The following WWOX variants were observed in gnomAD, a reference collection of about 807,000 sequenced individuals.
WWOX encodes the protein WW domain-containing oxidoreductase.
A neutral mutation model predicts 46.2 loss-of-function variants in WWOX; 69 were observed. The ratio of observed to expected loss-of-function variants is 1.49; its 90% confidence interval spans 1.23 to 1.82. The LOEUF (loss-of-function observed/expected upper bound fraction) is 1.82, where lower values mean the gene tolerates loss of function less well. WWOX is among the 40% of genes most tolerant of loss of function. The pLI is 0.00. For missense variants in WWOX, 919 were observed against 542.6 expected (o/e 1.69, Z -6.89); for synonymous variants, 359 against 202.6 (o/e 1.77, Z -6.56).
intron 8 of WWOX, among the ~76,000 whole-genome samples, chr16:79,078,614 C>G (rs999884269): frequency 2.0e-5 from 3 of 152,218 alleles, no homozygotes; most frequent in Admixed American, 1.3e-4. Flanking sequence ...GCATTTAACA[C>G]AGTTCCTGGC....
At chr16:78,417,435 C>T (rs910898958) in intron 6 of WWOX, among the ~76,000 whole-genome samples, 1 of 151,888 alleles carries the variant, frequency 6.6e-6, no homozygotes, top group Non-Finnish European at 1.5e-5. Flanking sequence ...CTGTAAATGG[C>T]AATCATAATA....
chr16:79,192,170 C>T (rs1229881169), intron 8 of WWOX, among the ~76,000 whole-genome samples: 1 of 152,222 alleles, frequency 6.6e-6, no homozygotes, highest in Non-Finnish European at 1.5e-5. Flanking sequence ...AAAATTGCTC[C>T]TGCCAGCTCT....
chr16:78,611,925 C>T (rs145302800), intron 8 of WWOX, among the ~76,000 whole-genome samples: 2 of 152,170 alleles, frequency 1.3e-5, no homozygotes, highest in Non-Finnish European at 2.9e-5. Context: ...AAGCCAGAAG[C>T]CAATGAGCTA....
chr16:78,207,624 G>C (rs2036435293), intron 5 of WWOX, among the ~76,000 whole-genome samples: 1 of 151,296 alleles, frequency 6.6e-6, no homozygotes, highest in Non-Finnish European at 1.5e-5. Context: ...AGTCTCTTTA[G>C]TTTGAAGATA....
chr16:78,467,538 T>G (rs991498326), intron 8 of WWOX, among the ~76,000 whole-genome samples: 4 of 152,244 alleles, frequency 2.6e-5, no homozygotes, highest in African/African-American at 9.6e-5. Context: ...TAGTTTAAAC[T>G]GACTGTAATG....
chr16:78,617,592 G>A (rs2046058653), intron 8 of WWOX, among the ~76,000 whole-genome samples: 1 of 152,152 alleles, frequency 6.6e-6, no homozygotes, highest in Admixed American at 6.5e-5. Flanking sequence ...TCTGAGGAAA[G>A]CAGGTGATGA....
At chr16:79,067,646 G>A (rs1376835525) in intron 8 of WWOX, among the ~76,000 whole-genome samples, 5 of 140,152 alleles carry the variant, frequency 3.6e-5, no homozygotes, top group Non-Finnish European at 7.8e-5. Flanking sequence ...GCGGGGGGGG[G>A]CACTTATCAC....
rs140493302 is a variant in WWOX at position 79,147,009 on chromosome 16, G to C, written c.1057-64599G>C. On this transcript the variant is annotated intron_variant, in intron 8 of 8. Transcript: ENST00000566780. ...CTTAGCTCAGTTTCCCCCAGTGATAGCTTTTGCAAAACAATTGTGCAATAT... is the reference window on the plus strand; with the variant it reads ...CTTAGCTCAGTTTCCCCCAGTGATACCTTTTGCAAAACAATTGTGCAATAT... 1.9e-3 allele frequency among the ~76,000 whole-genome samples: 296 copies of C among 152,258 alleles called. 1 individual carries two copies. Among genetic ancestry groups the C allele is most frequent in the Non-Finnish European group, 1.5e-3 (100 of 68,032 alleles).
intron 8 of WWOX, among the ~76,000 whole-genome samples, chr16:79,026,530 CTCTA>C (rs2047645331): frequency 6.6e-6 from 1 of 151,102 alleles, no homozygotes; most frequent in South Asian, 2.1e-4. Flanking sequence ...AGACAATGAT[CTCTA>C]TCTAGAAAGA....
At chr16:78,637,262 A>G (rs758344958) in intron 8 of WWOX, among the ~76,000 whole-genome samples, 10 of 151,932 alleles carry the variant, frequency 6.6e-5, no homozygotes, top group Non-Finnish European at 1.5e-4. Context: ...CCAACCAACG[A>G]CCCTTCCCAT....
In WWOX at chr16:78,349,307, G is replaced by A. The variant is rs1424292488; in HGVS notation, c.517-37553G>A. Among the ~76,000 whole-genome samples the A allele has an allele frequency of 1.7e-5, 2 of 120,622 alleles. 1 individual carries two copies. Among genetic ancestry groups the A allele is most frequent in the Non-Finnish European group, 4.0e-5 (2 of 50,518 alleles). The allele number at this position is 120,622 out of a possible 152,430, so 79.1% of individuals were successfully genotyped here. A position where few individuals can be genotyped will look rare whatever the true frequency, so the allele number is the denominator to read the frequency against. ...TTACATAATCACCTCTTTATAGGCCGTACCTCCAAATACAGTCACATTCTG... is the reference window on the plus strand; with the variant it reads ...TTACATAATCACCTCTTTATAGGCCATACCTCCAAATACAGTCACATTCTG... On this transcript the variant is annotated intron_variant, in intron 5 of 8. Transcript: ENST00000566780.
At chr16:78,848,939 C>G (rs2052369261) in intron 8 of WWOX, among the ~76,000 whole-genome samples, 3 of 152,014 alleles carry the variant, frequency 2.0e-5, no homozygotes, top group Admixed American at 2.0e-4. Flanking sequence ...TGGTTGTGAT[C>G]ATATTTCTAT....
chr16:78,609,922 G>C (rs139579471), intron 8 of WWOX, among the ~76,000 whole-genome samples: 1 of 152,104 alleles, frequency 6.6e-6, no homozygotes, highest in Admixed American at 6.5e-5. Flanking sequence ...GAGCTTGTGC[G>C]TGTGTAGGGG....
At chr16:78,990,400 C>G (rs900343639) in intron 8 of WWOX, among the ~76,000 whole-genome samples, 4 of 152,118 alleles carry the variant, frequency 2.6e-5, no homozygotes, top group Non-Finnish European at 5.9e-5. Context: ...TCTGCACGAC[C>G]TAGTTCTGGG....
At chr16:78,799,712 C>CA (rs1222706913) in intron 8 of WWOX, among the ~76,000 whole-genome samples, 1 of 152,068 alleles carries the variant, frequency 6.6e-6, no homozygotes, top group East Asian at 1.9e-4. Flanking sequence ...TAATATTGTC[C>CA]AAAAACCTTC....
At chr16:78,966,157 C>T (rs193249152) in intron 8 of WWOX, among the ~76,000 whole-genome samples, 1 of 152,242 alleles carries the variant, frequency 6.6e-6, no homozygotes, top group East Asian at 1.9e-4. Context: ...TATTAAATCC[C>T]ATGATATAAT....
chr16:78,900,542 G>A (rs1252849949), intron 8 of WWOX, among the ~76,000 whole-genome samples: 1 of 152,144 alleles, frequency 6.6e-6, no homozygotes, highest in African/African-American at 2.4e-5. Flanking sequence ...CTAAGCAGAG[G>A]TTCCAATTTG....
At chr16:78,931,989 C>T (rs1017422666) in intron 8 of WWOX, among the ~76,000 whole-genome samples, 2 of 152,204 alleles carry the variant, frequency 1.3e-5, no homozygotes, top group Non-Finnish European at 1.5e-5. Context: ...TGCCTGCTGC[C>T]ATTTAAGACA....
At chr16:79,071,097 A>G (rs1467010059) in intron 8 of WWOX, among the ~76,000 whole-genome samples, 1 of 152,096 alleles carries the variant, frequency 6.6e-6, no homozygotes, top group Non-Finnish European at 1.5e-5. Context: ...TATGATTCCC[A>G]TTTATTCCAT....
Sources: gnomAD v4.1 joint callset for allele counts (sites outside exome capture counted in the v4.1 genomes callset) on GRCh38, gnomAD v4.1.1 for gene constraint, MANE v1.5 for transcripts, NCBI Gene and HGNC (gene_info 2026-07-23, HGNC 2026-07-21) for gene names.